The following SPTAN1 variants were observed in gnomAD, a reference collection of about 807,000 sequenced individuals.
The protein encoded by SPTAN1 is spectrin alpha, non-erythrocytic 1.
SPTAN1 carries 61 observed loss-of-function variants against 331.3 expected under a neutral mutation model. The observed-to-expected ratio is 0.18, with a 90% confidence interval of 0.15 to 0.23. The LOEUF (loss-of-function observed/expected upper bound fraction) is 0.23. Among genes scored for constraint, SPTAN1 ranks in the 10% least tolerant of loss-of-function variants. SPTAN1 has a pLI of 1.00. For missense variants in SPTAN1, 2,043 were observed against 3,147.9 expected (o/e 0.65, Z 8.40); for synonymous variants, 1,153 against 1,173.9 (o/e 0.98, Z 0.36).
rs1218914219 is a variant in SPTAN1 at position 128,632,724 on chromosome 9, T to C, written c.7160+6T>C. 1.9e-6 allele frequency: 3 copies of C among 1,612,832 alleles called. No individual in the cohort carries two copies. The highest frequency in any genetic ancestry group is 2.5e-6 in the Non-Finnish European group (3 of 1,179,696). On this transcript the variant is annotated splice_donor_region_variant and intron_variant, in intron 55 of 56. Transcript: ENST00000372739. ...GACACGGTGGATCCGAACAGGTAAA[T>C]TAATTAAGGCCAGGTGCTGTGAGCC...
Position 128,632,644 on chromosome 9 carries a change from T to TG in SPTAN1, c.7087dup (p.Asp2363GlyfsTer11). On this transcript the variant is annotated frameshift_variant, in exon 55 of 57. Coordinates refer to ENST00000372739, the MANE Select transcript of SPTAN1 (RefSeq NM_001130438.3). LOFTEE classifies it high-confidence loss of function. Reference sequence around the variant, plus strand: ...AATCTTGCCTGCGCTCCCTGGGCTATGACCTGCCCATGGTGGAGGAAGGGG... The same window carrying TG: ...AATCTTGCCTGCGCTCCCTGGGCTATGGACCTGCCCATGGTGGAGGAAGGGG... The TG allele has an allele frequency of 6.2e-7, 1 of 1,614,072 alleles. No homozygotes were observed. Among genetic ancestry groups the TG allele is most frequent in the Non-Finnish European group, 8.5e-7 (1 of 1,180,022 alleles).
At chr9:128,592,854 T>C in intron 22 of SPTAN1, 129 bp from the exon 23 acceptor site, 1 of 863,408 alleles carries the variant, frequency 1.2e-6, no homozygotes, top group Middle Eastern at 2.1e-4. Flanking sequence ...CTTAGACCTG[T>C]TGAATAACTC....
intron 45 of SPTAN1, among the ~76,000 whole-genome samples, 186 bp downstream of exon 45, chr9:128,621,442 A>G (rs1210729634): frequency 1.3e-5 from 2 of 152,178 alleles, no homozygotes; most frequent in East Asian, 3.8e-4. Context: ...GAAGCCAGTA[A>G]AGTTATTCTG....
In SPTAN1 at chr9:128,574,750, C is replaced by G. The variant is rs1388223215; in HGVS notation, c.439C>G (p.Gln147Glu). Residue 147 changes from glutamine to glutamate, a missense_variant, in exon 4 of 57, where the codon CAG (glutamine) becomes GAG (glutamate). By Grantham distance (29) the Gln-to-Glu change is conservative (BLOSUM62 2). Coordinates refer to ENST00000372739, the MANE Select transcript of SPTAN1 (RefSeq NM_001130438.3). ...KMREKGIKLLQAQKLVQYLRE... is the reference protein window; with the variant it reads ...KMREKGIKLLEAQKLVQYLRE... ...GCGAGAAAAAGGAATCAAACTGCTGCAGGCCCAGAAGTTGGTGCAGTACTT... is the reference window on the plus strand; with the variant it reads ...GCGAGAAAAAGGAATCAAACTGCTGGAGGCCCAGAAGTTGGTGCAGTACTT... 6.2e-7 allele frequency: 1 copy of G among 1,614,046 alleles called. No homozygotes were observed. Among genetic ancestry groups the G allele is most frequent in the African/African-American group, 1.3e-5 (1 of 74,912 alleles).
At chr9:128,621,477 GCAA>G (rs1857848002) in intron 45 of SPTAN1, among the ~76,000 whole-genome samples, 1 of 152,174 alleles carries the variant, frequency 6.6e-6, no homozygotes, top group East Asian at 1.9e-4. Context: ...TCTGCATTAA[GCAA>G]CAGAGACACT....
rs1193548849 is a variant in SPTAN1 at position 128,625,297 on chromosome 9, A to T, written c.6069+118A>T. On this transcript the variant is annotated intron_variant, in intron 47 of 56. Coordinates refer to ENST00000372739, the MANE Select transcript of SPTAN1 (RefSeq NM_001130438.3). The surrounding 1 kb of genome is among the most constrained non-coding windows in gnomAD (Gnocchi z 4.1). ...TAGCCCCTGGGGATCAGCAGGAAAAAGATCCTGTCCTGGTCCTCAGGGAGC... is the reference window on the plus strand; with the variant it reads ...TAGCCCCTGGGGATCAGCAGGAAAATGATCCTGTCCTGGTCCTCAGGGAGC... 2.4e-5 allele frequency: 25 copies of T among 1,062,238 alleles called. No homozygotes were observed. In the East Asian group the frequency reaches 6.1e-4, roughly 26 times the overall value. 65.8% of individuals were successfully genotyped at this position (1,062,238 alleles called of 1,614,324 possible).
intron 1 of SPTAN1, chr9:128,555,544 G>T: frequency 4.2e-6 from 2 of 481,630 alleles, no homozygotes; most frequent in South Asian, 3.1e-5. Context: ...TAAACAAATT[G>T]GTTAGGATTT....
chr9:128,622,737 G>T (rs948380262), intron 45 of SPTAN1, among the ~76,000 whole-genome samples: 27 of 151,398 alleles, frequency 1.8e-4, no homozygotes, highest in Admixed American at 1.6e-3. Context: ...TTGTAGTATG[G>T]TTTATTTATT....
intron 46 of SPTAN1, 56 bp downstream of exon 46, chr9:128,624,543 T>G: frequency 8.2e-6 from 13 of 1,591,722 alleles, no homozygotes; most frequent in Non-Finnish European, 1.1e-5. Flanking sequence ...CTTTGTCTCC[T>G]TCCGTGTCAT....
Position 128,599,300 on chromosome 9 carries a change from A to G in SPTAN1, c.3543+314A>G, listed in dbSNP as rs1854736659. 2 of 388,290 alleles carry G rather than the reference A, an allele frequency of 5.2e-6. 1 individual carries two copies. Among genetic ancestry groups the G allele is most frequent in the South Asian group, 4.4e-5 (2 of 45,234 alleles). The allele number at this position is 388,290 out of a possible 1,614,324, so 24.1% of individuals were successfully genotyped here. ...CACGCATGTGGCACCACACCCAGCT[A>G]ATTTTTGTATTTTTAGTAGAGATGG... On this transcript the variant is annotated intron_variant, in intron 26 of 56. Transcript: ENST00000372739.
chr9:128,581,142 T>C, intron 11 of SPTAN1, 83 bp downstream of exon 11: 1 of 1,583,038 alleles, frequency 6.3e-7, no homozygotes, highest in Non-Finnish European at 8.6e-7. Flanking sequence ...TTGTTTTGTT[T>C]TAGGACATCA....
At chr9:128,554,625 C>T (rs148417918) in intron 1 of SPTAN1, among the ~76,000 whole-genome samples, 30 of 152,334 alleles carry the variant, frequency 2.0e-4, no homozygotes, top group Non-Finnish European at 3.4e-4. Context: ...GTAATCAGTC[C>T]TCCGTGGGCT....
chr9:128,584,499 A>C lies in SPTAN1; in HGVS notation c.2411A>C (p.Glu804Ala). The C allele has an allele frequency of 6.2e-7, 1 of 1,614,178 alleles. No individual in the cohort carries two copies. Among genetic ancestry groups the C allele is most frequent in the Non-Finnish European group, 8.5e-7 (1 of 1,180,044 alleles). ...GAGGAGACGTGGATTCGAGAGAAAG[A>C]GCCCATTGCCGCATCTACCAACAGA... ...EDEETWIREK[E>A]PIAASTNRGK... is the part of the protein sequence containing the mutation. The change falls in exon 17 of 57, where the codon GAG (glutamate) becomes GCG (alanine). Residue 804 changes from glutamate to alanine, a missense_variant. Coordinates refer to ENST00000372739, the MANE Select transcript of SPTAN1 (RefSeq NM_001130438.3).
Position 128,574,801 on chromosome 9 carries a change from T to C in SPTAN1, c.490T>C (p.Trp164Arg). The change falls in exon 4 of 57, where the codon TGG becomes CGG. Residue 164 changes from tryptophan to arginine, a missense_variant. Physicochemically the swap from Trp to Arg is moderately radical, Grantham distance 101 (BLOSUM62 -3). Transcript: ENST00000372739. ...YLRECEDVMD[W>R]INDKEAIVTS... ...ACGAGAATGTGAGGACGTGATGGAC[T>C]GGATCAATGACAAGGCACGTTTTGG... The C allele has an allele frequency of 1.2e-6, 2 of 1,614,036 alleles. No homozygotes were observed. The highest frequency in any genetic ancestry group is 1.7e-6 in the Non-Finnish European group (2 of 1,179,924).
At chr9:128,584,552 TC>T (rs1467778825) in intron 17 of SPTAN1, 27 bp downstream of exon 17, 2 of 1,613,970 alleles carry the variant, frequency 1.2e-6, no homozygotes, top group Admixed American at 3.3e-5. Flanking sequence ...CAGGTAGGAA[TC>T]AACTTGGGAA....
intron 55 of SPTAN1, 39 bp downstream of exon 55, chr9:128,632,757 G>C (rs376196799): frequency 1.9e-6 from 3 of 1,613,998 alleles, no homozygotes; most frequent in Non-Finnish European, 2.5e-6. Flanking sequence ...GCCTCTGCCC[G>C]GGGCACCCAC....
At chr9:128,555,659 C>A (rs1355037060) in intron 1 of SPTAN1, among the ~76,000 whole-genome samples, 1 of 119,042 alleles carries the variant, frequency 8.4e-6, no homozygotes, top group African/African-American at 3.2e-5. Flanking sequence ...CCCTCTCTTT[C>A]TCTTTAAGGC....
In SPTAN1 at chr9:128,629,150, G is replaced by A. The variant is rs1029370467; in HGVS notation, c.6708-1171G>A. The A allele has an allele frequency of 2.3e-5, 9 of 398,618 alleles. No homozygotes were observed. The highest frequency in any genetic ancestry group is 3.1e-5 in the Non-Finnish European group (7 of 226,192). 24.7% of individuals were successfully genotyped at this position (398,618 alleles called of 1,614,324 possible). A position where few individuals can be genotyped will look rare whatever the true frequency, so the allele number is the denominator to read the frequency against. Reference sequence around the variant, plus strand: ...CATAGCATATCGTCGGGTCATTCGTGTCTATCAGTATGAAGTTGGGGATGA... The same window carrying A: ...CATAGCATATCGTCGGGTCATTCGTATCTATCAGTATGAAGTTGGGGATGA... On this transcript the variant is annotated intron_variant, in intron 51 of 56. Transcript: ENST00000372739. The surrounding 1 kb of genome is among the most constrained non-coding windows in gnomAD (Gnocchi z 4.9).
chr9:128,630,453 T>C, intron 52 of SPTAN1, 78 bp downstream of exon 52: 1 of 1,468,844 alleles, frequency 6.8e-7, no homozygotes, highest in Non-Finnish European at 9.5e-7. Flanking sequence ...CCTTCCTGGC[T>C]TAAAGTCAGG....
Sources: gnomAD v4.1 joint callset for allele counts (sites outside exome capture counted in the v4.1 genomes callset) on GRCh38, gnomAD v4.1.1 for gene constraint, Gnocchi (gnomAD v3.1) non-coding constraint, MANE v1.5 for transcripts, NCBI Gene and HGNC (gene_info 2026-07-23, HGNC 2026-07-21) for gene names.